Variants in SLC35F1 observed in about 807,000 individuals in gnomAD.
The protein encoded by SLC35F1 is chromosome 6 open reading frame 169.
In SLC35F1, 14 loss-of-function variants were observed where a neutral mutation model predicts 48.7. The observed-to-expected ratio is 0.29, with a 90% CI of 0.19 to 0.45. The LOEUF is 0.45. SLC35F1 is among the 20% of genes least tolerant of loss of function. The pLI is 1.00. For synonymous variants in SLC35F1, 190 were observed against 202.2 expected, an observed-to-expected ratio of 0.94 and a Z score of 0.51; for missense variants, 404 against 500.0, an observed-to-expected ratio of 0.81 and a Z score of 1.83.
chr6:117,912,907 T>G (rs1775781006), intron 1 of SLC35F1, among the ~76,000 whole-genome samples: 1 of 152,216 alleles, frequency 6.6e-6, no homozygotes, highest in African/African-American at 2.4e-5. Flanking sequence ...GAACTTTTAC[T>G]TTCTCAAAAT....
In SLC35F1 at chr6:118,110,270, G is replaced by A. The variant is rs181738560; in HGVS notation, c.174-44175G>A. Among the ~76,000 whole-genome samples, 31 of 152,224 alleles carry A rather than the reference G, an allele frequency of 2.0e-4. No homozygotes were observed. In the East Asian group the frequency reaches 5.6e-3, roughly 28 times the overall value. ...GAGAATTGAGGTCACAGCAGAAAAT[G>A]CTGCCCTGAAAAATGGAGAAATGGA... is the stretch of plus-strand genomic sequence containing the variant. On this transcript the variant is annotated intron_variant, in intron 1 of 7. Transcript: ENST00000360388.
At chr6:118,254,419 C>A (rs139315813) in intron 3 of SLC35F1, among the ~76,000 whole-genome samples, 1 of 152,142 alleles carries the variant, frequency 6.6e-6, no homozygotes, top group Admixed American at 6.5e-5. Context: ...GTGGCTGGGA[C>A]TATAGGTGTG....
chr6:118,085,414 G>A (rs1029668836), intron 1 of SLC35F1, among the ~76,000 whole-genome samples: 1 of 146,790 alleles, frequency 6.8e-6, no homozygotes, highest in Non-Finnish European at 1.5e-5. Flanking sequence ...CAAAGCCTAT[G>A]TCAACTAGTT....
At chr6:118,095,209 T>C (rs1486913440) in intron 1 of SLC35F1, among the ~76,000 whole-genome samples, 1 of 152,230 alleles carries the variant, frequency 6.6e-6, no homozygotes, top group Non-Finnish European at 1.5e-5. Context: ...ACAATATCAC[T>C]TTCTGTTAAG....
At chr6:118,011,983 T>C (rs892032382) in intron 1 of SLC35F1, among the ~76,000 whole-genome samples, 1 of 152,208 alleles carries the variant, frequency 6.6e-6, no homozygotes, top group Non-Finnish European at 1.5e-5. Flanking sequence ...AATGATCACC[T>C]TATACATATC....
rs188230356 is a variant in SLC35F1 at position 118,316,575 on chromosome 6, C to T, written c.*2323C>T. The T allele has an allele frequency of 2.5e-4, 38 of 152,692 alleles. No homozygotes were observed. Among genetic ancestry groups the T allele is most frequent in the Admixed American group, 2.2e-3 (33 of 15,298 alleles). The allele number at this position is 152,692 out of a possible 1,614,324, so 9.5% of individuals were successfully genotyped here. On this transcript the variant is annotated 3_prime_UTR_variant, in exon 8 of 8. Transcript: ENST00000360388. ...TTTTTATGACATTAATTTGTAGACA[C>T]TTAGTAAAGTCTTATGAGAAGCAAG...
chr6:118,267,311 G>A (rs955325297), intron 4 of SLC35F1, among the ~76,000 whole-genome samples, 157 bp downstream of exon 4: 3 of 152,214 alleles, frequency 2.0e-5, no homozygotes, highest in African/African-American at 7.2e-5. Flanking sequence ...CTGAAACAGG[G>A]CACACAGGAG....
chr6:118,139,028 T>G (rs1168819349), intron 1 of SLC35F1, among the ~76,000 whole-genome samples: 2 of 152,088 alleles, frequency 1.3e-5, no homozygotes, highest in African/African-American at 4.8e-5. Context: ...ATAAATGATA[T>G]TCAGATTCTG....
chr6:118,013,984 A>G (rs1470080558), intron 1 of SLC35F1, among the ~76,000 whole-genome samples: 2 of 152,198 alleles, frequency 1.3e-5, no homozygotes, highest in Non-Finnish European at 2.9e-5. Flanking sequence ...GTCGTGGCTT[A>G]TTAGAAAAAA....
At chr6:118,088,646 G>A (rs917012520) in intron 1 of SLC35F1, among the ~76,000 whole-genome samples, 2 of 150,682 alleles carry the variant, frequency 1.3e-5, no homozygotes, top group Non-Finnish European at 2.9e-5. Flanking sequence ...GAGTAAGGTG[G>A]CAGTAGAAGG....
chr6:117,909,282 A>G (rs1470738069), intron 1 of SLC35F1, among the ~76,000 whole-genome samples: 1 of 152,150 alleles, frequency 6.6e-6, no homozygotes, highest in Non-Finnish European at 1.5e-5. Context: ...ATTTTTTATG[A>G]ATACCTGTGA....
At chr6:118,174,551 G>A (rs752644852) in intron 2 of SLC35F1, among the ~76,000 whole-genome samples, 6 of 152,070 alleles carry the variant, frequency 3.9e-5, no homozygotes, top group East Asian at 1.9e-4. Flanking sequence ...TATCCAAGGT[G>A]TATGGGACAA....
At chr6:118,083,282 G>C (rs1420825455) in intron 1 of SLC35F1, among the ~76,000 whole-genome samples, 2 of 152,218 alleles carry the variant, frequency 1.3e-5, no homozygotes, top group South Asian at 2.1e-4. Context: ...CAAATGTTTG[G>C]ACAGATACTA....
intron 1 of SLC35F1, among the ~76,000 whole-genome samples, chr6:117,917,612 G>A (rs1775842725): frequency 6.6e-6 from 1 of 152,102 alleles, no homozygotes; most frequent in Non-Finnish European, 1.5e-5. Flanking sequence ...GTGAGCGATG[G>A]TGCCATTTTC....
intron 1 of SLC35F1, among the ~76,000 whole-genome samples, chr6:117,942,628 C>T (rs1416416): frequency 0.76 from 115,860 of 152,034 alleles, 44,371 homozygotes; most frequent in South Asian, 0.89. Flanking sequence ...AAAATGTTAA[C>T]GATTATAGCT....
rs1377285440 is a variant in SLC35F1 at position 118,273,390 on chromosome 6, T to A, written c.638-2069T>A. On this transcript the variant is annotated intron_variant, in intron 4 of 7. Transcript: ENST00000360388. ...TCAATTCATTCTATAACATTAAATT[T>A]ATTAACCAAGAGTTATATTATGCAG... is the stretch of plus-strand genomic sequence containing the variant. 2.6e-5 allele frequency among the ~76,000 whole-genome samples: 4 copies of A among 152,338 alleles called. No individual in the cohort carries two copies. In the South Asian group the frequency reaches 8.3e-4, roughly 32 times the overall value.
At chr6:118,224,095 G>T (rs1775185515) in intron 2 of SLC35F1, among the ~76,000 whole-genome samples, 1 of 152,138 alleles carries the variant, frequency 6.6e-6, no homozygotes, top group Admixed American at 6.5e-5. Flanking sequence ...TCATTAAAAA[G>T]GACAAATACA....
intron 3 of SLC35F1, among the ~76,000 whole-genome samples, chr6:118,238,891 T>C (rs1457983759): frequency 1.3e-5 from 2 of 152,022 alleles, no homozygotes; most frequent in Non-Finnish European, 2.9e-5. Context: ...GCATTTTGAG[T>C]GAACAGTACC....
At chr6:117,942,930 T>G (rs1776249956) in intron 1 of SLC35F1, among the ~76,000 whole-genome samples, 1 of 152,238 alleles carries the variant, frequency 6.6e-6, no homozygotes, top group South Asian at 2.1e-4. Flanking sequence ...ATTTATTTCT[T>G]ACCCAAGCCC....
Sources: gnomAD v4.1 joint callset for allele counts (sites outside exome capture counted in the v4.1 genomes callset) on GRCh38, gnomAD v4.1.1 for gene constraint, MANE v1.5 for transcripts, NCBI Gene and HGNC (gene_info 2026-07-23, HGNC 2026-07-21) for gene names.